The following SLC35F1 variants were observed in gnomAD, a reference collection of about 807,000 sequenced individuals.
The protein encoded by SLC35F1 is chromosome 6 open reading frame 169.
SLC35F1 carries 14 observed loss-of-function variants against 48.7 expected under a neutral mutation model. The ratio of observed to expected loss-of-function variants is 0.29; its 90% CI spans 0.19 to 0.45. The LOEUF (loss-of-function observed/expected upper bound fraction) is 0.45, where lower values mean the gene tolerates loss of function less well. Ranked by LOEUF, SLC35F1 falls within the 20% of genes least tolerant of loss-of-function variation. The pLI, the probability that SLC35F1 is intolerant of heterozygous loss-of-function variation, is 1.00. For synonymous variants in SLC35F1, 190 were observed against 202.2 expected, an observed-to-expected ratio of 0.94 and a Z score of 0.51; for missense variants, 404 against 500.0, an observed-to-expected ratio of 0.81 and a Z score of 1.83.
chr6:117,966,885 A>G (rs975055226), intron 1 of SLC35F1, among the ~76,000 whole-genome samples: 1 of 152,200 alleles, frequency 6.6e-6, no homozygotes, highest in African/African-American at 2.4e-5. Flanking sequence ...TTAGGACTTC[A>G]ACATGTGAAT....
At chr6:118,176,999 C>T (rs1774499190) in intron 2 of SLC35F1, among the ~76,000 whole-genome samples, 2 of 152,070 alleles carry the variant, frequency 1.3e-5, no homozygotes, top group South Asian at 4.1e-4. Flanking sequence ...GCAGCTAGTT[C>T]TGTATCTTTT....
chr6:118,203,035 G>A (rs1337641277), intron 2 of SLC35F1, among the ~76,000 whole-genome samples: 1 of 152,202 alleles, frequency 6.6e-6, no homozygotes, highest in Non-Finnish European at 1.5e-5. Context: ...AGAGATCATT[G>A]TTCCTACCTA....
At chr6:117,976,673 T>C (rs1776709105) in intron 1 of SLC35F1, among the ~76,000 whole-genome samples, 1 of 152,116 alleles carries the variant, frequency 6.6e-6, no homozygotes. Context: ...TTCCTTGCTA[T>C]AATAAAAAAA....
At chr6:117,923,767 A>ATG (rs1264393473) in intron 1 of SLC35F1, among the ~76,000 whole-genome samples, 1 of 454 alleles carries the variant, frequency 2.2e-3, no homozygotes, top group Non-Finnish European at 0.01. Context: ...ACATATGCAC[A>ATG]TACATATGTA....
chr6:117,919,070 T>A (rs546739629), intron 1 of SLC35F1, among the ~76,000 whole-genome samples: 2 of 151,436 alleles, frequency 1.3e-5, no homozygotes, highest in African/African-American at 4.8e-5. Context: ...TAATTTTTAA[T>A]TTTTTTTTGT....
chr6:118,167,991 A>G (rs765145006), intron 2 of SLC35F1, among the ~76,000 whole-genome samples: 3 of 152,146 alleles, frequency 2.0e-5, no homozygotes, highest in Admixed American at 6.5e-5. Flanking sequence ...ATAATTCATT[A>G]TAACCGCTAG....
chr6:118,256,217 T>G (rs1396125787), intron 3 of SLC35F1, among the ~76,000 whole-genome samples: 91 of 55,536 alleles, frequency 1.6e-3, no homozygotes, highest in African/African-American at 4.5e-3. Context: ...TGTGTGTGTG[T>G]GTGTGTGTGT....
chr6:118,169,967 G>A (rs1359719225), intron 2 of SLC35F1, among the ~76,000 whole-genome samples: 1 of 152,182 alleles, frequency 6.6e-6, no homozygotes, highest in Non-Finnish European at 1.5e-5. Flanking sequence ...TTGAGGAAAG[G>A]AGGCCAAAGA....
intron 1 of SLC35F1, among the ~76,000 whole-genome samples, chr6:118,031,300 A>G (rs758606549): frequency 2.0e-4 from 31 of 152,164 alleles, no homozygotes; most frequent in Non-Finnish European, 3.7e-4. Flanking sequence ...TTCTGCATGA[A>G]ATACTACTTT....
rs190418460 is a variant in SLC35F1 at position 117,958,393 on chromosome 6, G to A, written c.173+50494G>A. 2.0e-3 allele frequency among the ~76,000 whole-genome samples: 300 copies of A among 152,138 alleles called. 1 individual carries two copies. The highest frequency in any genetic ancestry group is 6.3e-3 in the African/African-American group (262 of 41,520). On this transcript the variant is annotated intron_variant, in intron 1 of 7. Coordinates refer to ENST00000360388, the MANE Select transcript of SLC35F1 (RefSeq NM_001029858.4). The stretch of plus-strand genomic sequence containing the variant: ...ATGAATCACGCTTATGGTCTACAGC[G>A]GTGCATAATGATATCCTAGACCTTC...
At chr6:118,265,319 T>A (rs895550501) in intron 3 of SLC35F1, among the ~76,000 whole-genome samples, 1 of 152,198 alleles carries the variant, frequency 6.6e-6, no homozygotes, top group Non-Finnish European at 1.5e-5. Context: ...TTTGTATATA[T>A]TTGTTCAATA....
At chr6:118,273,741 C>T (rs1254740554) in intron 4 of SLC35F1, among the ~76,000 whole-genome samples, 3 of 152,184 alleles carry the variant, frequency 2.0e-5, no homozygotes, top group African/African-American at 7.2e-5. Flanking sequence ...ATTAGGGCCT[C>T]ATCAGATTCT....
chr6:118,105,797 G>A (rs1197101960), intron 1 of SLC35F1, among the ~76,000 whole-genome samples: 1 of 152,182 alleles, frequency 6.6e-6, no homozygotes, highest in Non-Finnish European at 1.5e-5. Flanking sequence ...AAAGTAGATA[G>A]TATGATGACC....
chr6:117,949,116 T>C (rs1391793581), intron 1 of SLC35F1, among the ~76,000 whole-genome samples: 1 of 152,192 alleles, frequency 6.6e-6, no homozygotes, highest in African/African-American at 2.4e-5. Context: ...ATTTATCCAA[T>C]TTTTGCAGAT....
At chr6:118,160,645 G>A (rs1774216512) in intron 2 of SLC35F1, among the ~76,000 whole-genome samples, 6 of 152,186 alleles carry the variant, frequency 3.9e-5, no homozygotes, top group Admixed American at 3.9e-4. Flanking sequence ...TTAATTGTAA[G>A]TGCGAAGACT....
chr6:117,933,690 T>C (rs2114814113), intron 1 of SLC35F1, among the ~76,000 whole-genome samples: 1 of 152,256 alleles, frequency 6.6e-6, no homozygotes, highest in South Asian at 2.1e-4. Flanking sequence ...TTCCCACTGG[T>C]GAGTGCCAGA....
chr6:118,304,813 G>A (rs1258271722), intron 7 of SLC35F1, among the ~76,000 whole-genome samples: 3 of 151,354 alleles, frequency 2.0e-5, no homozygotes, highest in African/African-American at 7.3e-5. Context: ...GCTTGGAGAT[G>A]TAGGGAACTT....
intron 1 of SLC35F1, among the ~76,000 whole-genome samples, chr6:117,963,231 C>A (rs1776519971): frequency 6.6e-6 from 1 of 152,086 alleles, no homozygotes; most frequent in African/African-American, 2.4e-5. Flanking sequence ...TAGAATTTAC[C>A]ACATATGATT....
chr6:118,299,292 T>C (rs914890626), intron 7 of SLC35F1, among the ~76,000 whole-genome samples: 1 of 152,214 alleles, frequency 6.6e-6, no homozygotes, highest in Non-Finnish European at 1.5e-5. Context: ...AGGATGTTTA[T>C]GAAAATGTAA....
Sources: gnomAD v4.1 joint callset for allele counts (sites outside exome capture counted in the v4.1 genomes callset) on GRCh38, gnomAD v4.1.1 for gene constraint, MANE v1.5 for transcripts, NCBI Gene and HGNC (gene_info 2026-07-23, HGNC 2026-07-21) for gene names.